The following CLVS1 variants were observed in gnomAD, a reference collection of about 807,000 sequenced individuals.
The protein encoded by CLVS1 is clavesin-1.
Under a neutral mutation model 33.1 loss-of-function variants are expected in CLVS1, and 10 were observed. The ratio of observed to expected loss-of-function variants is 0.30; its 90% CI spans 0.19 to 0.51. The LOEUF is 0.51. Among genes scored for constraint, CLVS1 ranks in the 20% least tolerant of loss-of-function variants. The pLI, the probability that CLVS1 is intolerant of heterozygous loss-of-function variation, is 0.97. For synonymous variants in CLVS1, 163 were observed against 166.1 expected (o/e 0.98, Z 0.14); for missense variants, 343 against 433.4 (o/e 0.79, Z 1.85).
intron 2 of CLVS1, among the ~76,000 whole-genome samples, chr8:61,251,022 G>A (rs758928852): frequency 2.8e-4 from 42 of 152,234 alleles, no homozygotes; most frequent in Non-Finnish European, 5.9e-4. Flanking sequence ...TCCAGTTTTT[G>A]CCCATTCAGT....
intron 2 of CLVS1, among the ~76,000 whole-genome samples, chr8:61,365,647 G>A (rs1234947531): frequency 1.3e-5 from 2 of 152,156 alleles, no homozygotes; most frequent in African/African-American, 4.8e-5. Flanking sequence ...TGAGTAGGCT[G>A]ATATGATCCT....
At chr8:61,069,860 G>A (rs2129279948) in intron 1 of CLVS1, among the ~76,000 whole-genome samples, 1 of 152,086 alleles carries the variant, frequency 6.6e-6, no homozygotes, top group East Asian at 1.9e-4. Flanking sequence ...GCGCGATCTT[G>A]GCTTACTATA....
chr8:61,413,481 C>T (rs755234110), intron 3 of CLVS1, among the ~76,000 whole-genome samples: 1 of 151,998 alleles, frequency 6.6e-6, no homozygotes, highest in Non-Finnish European at 1.5e-5. Flanking sequence ...ACAGGAGAAC[C>T]GCATTAATTA....
chr8:61,458,177 A>G (rs887680476), intron 4 of CLVS1, 130 bp from the exon 5 acceptor site: 2 of 654,204 alleles, frequency 3.1e-6, no homozygotes, highest in Non-Finnish European at 5.3e-6. Context: ...TCACAAAATC[A>G]ATGCCTCTTT....
chr8:61,106,108 C>A (rs990955047), intron 1 of CLVS1, among the ~76,000 whole-genome samples: 4 of 152,214 alleles, frequency 2.6e-5, no homozygotes, highest in African/African-American at 9.7e-5. Context: ...CCACGTCTTC[C>A]TCCTCGACTT....
intron 3 of CLVS1, among the ~76,000 whole-genome samples, chr8:61,444,323 A>G (rs1020438446): frequency 6.6e-6 from 1 of 152,206 alleles, no homozygotes; most frequent in South Asian, 2.1e-4. Flanking sequence ...GGGGAAAAAC[A>G]TTCAGTTTTT....
the CLVS1 span, among the ~76,000 whole-genome samples, chr8:60,994,062 A>G: frequency 2.6e-5 from 4 of 152,184 alleles, no homozygotes; most frequent in Non-Finnish European, 2.9e-5. Flanking sequence ...CAGGTGGCTT[A>G]AACAGCAGAA....
chr8:61,457,421 C>G (rs1817207598), intron 4 of CLVS1, among the ~76,000 whole-genome samples: 1 of 152,104 alleles, frequency 6.6e-6, no homozygotes, highest in Admixed American at 6.5e-5. Flanking sequence ...AGAGTCAACT[C>G]CTAAATTGTA....
At chr8:61,172,175 G>A (rs1018993636) in intron 2 of CLVS1, among the ~76,000 whole-genome samples, 2 of 152,086 alleles carry the variant, frequency 1.3e-5, no homozygotes, top group Non-Finnish European at 1.5e-5. Flanking sequence ...TGCATCTTTT[G>A]TCTATGTTAC....
intron 2 of CLVS1, among the ~76,000 whole-genome samples, chr8:61,156,687 C>T (rs192090669): frequency 9.5e-4 from 145 of 152,154 alleles, no homozygotes; most frequent in African/African-American, 3.3e-3. Context: ...TTTAAACAAA[C>T]CTTCAAAAAG....
chr8:61,394,999 C>T (rs1814465659), intron 3 of CLVS1, among the ~76,000 whole-genome samples: 1 of 152,268 alleles, frequency 6.6e-6, no homozygotes, highest in Non-Finnish European at 1.5e-5. Context: ...AATGTCTGTC[C>T]AAATCCTTTG....
At chr8:61,443,153 T>C (rs1816629530) in intron 3 of CLVS1, among the ~76,000 whole-genome samples, 1 of 152,218 alleles carries the variant, frequency 6.6e-6, no homozygotes, top group African/African-American at 2.4e-5. Context: ...TGGAATGTAA[T>C]TTGCAAATAC....
chr8:61,347,624 CATTATATATATATATATA>C (rs1468727111), intron 2 of CLVS1, among the ~76,000 whole-genome samples: 2 of 98,490 alleles, frequency 2.0e-5, no homozygotes, highest in Non-Finnish European at 1.9e-5. Flanking sequence ...TTGGCCATTC[CATTATATATATATATATA>C]TATATATATA....
the CLVS1 span, among the ~76,000 whole-genome samples, chr8:60,986,216 TA>T: frequency 6.6e-6 from 1 of 152,260 alleles, no homozygotes; most frequent in Non-Finnish European, 1.5e-5. Flanking sequence ...ACTTTGTTTC[TA>T]CTAGAATGTT....
At chr8:61,018,388 A>G in the CLVS1 span, among the ~76,000 whole-genome samples, 2 of 152,344 alleles carry the variant, frequency 1.3e-5, no homozygotes, top group South Asian at 4.1e-4. Flanking sequence ...TGCTTTGGGA[A>G]CATTGGAAGA....
chr8:61,076,552 T>A (rs1395570298), intron 1 of CLVS1, among the ~76,000 whole-genome samples: 2 of 152,218 alleles, frequency 1.3e-5, no homozygotes, highest in Non-Finnish European at 2.9e-5. Context: ...CGATTCGGGT[T>A]CCATTTCTAT....
At chr8:61,075,835 C>A (rs1804899965) in intron 1 of CLVS1, among the ~76,000 whole-genome samples, 1 of 152,212 alleles carries the variant, frequency 6.6e-6, no homozygotes, top group South Asian at 2.1e-4. Flanking sequence ...CTAACTTTTT[C>A]TCACACATCC....
chr8:61,365,357 T>A (rs1440908107), intron 2 of CLVS1, among the ~76,000 whole-genome samples: 1 of 151,978 alleles, frequency 6.6e-6, no homozygotes, highest in Non-Finnish European at 1.5e-5. Context: ...TGAAACCCCG[T>A]CTCTACCAAA....
At chr8:61,467,408 T>A (rs985137345) in intron 5 of CLVS1, among the ~76,000 whole-genome samples, 2 of 152,208 alleles carry the variant, frequency 1.3e-5, no homozygotes, top group Non-Finnish European at 2.9e-5. Context: ...AAAGAGCATC[T>A]TTCCCGGTAT....
Sources: gnomAD v4.1 joint callset for allele counts (sites outside exome capture counted in the v4.1 genomes callset) on GRCh38, gnomAD v4.1.1 for gene constraint, MANE v1.5 for transcripts, NCBI Gene and HGNC (gene_info 2026-07-23, HGNC 2026-07-21) for gene names.